The following CDK19 variants were observed in gnomAD, a reference collection of about 807,000 sequenced individuals.
CDK19 encodes cyclin-dependent kinase 19.
A neutral mutation model predicts 68.3 loss-of-function variants in CDK19; 20 were observed. That is an observed-to-expected ratio of 0.29 (90% CI 0.21 to 0.43). CDK19 has a LOEUF of 0.43. Ranked by LOEUF, CDK19 falls within the 20% of genes least tolerant of loss-of-function variation. The probability of loss-of-function intolerance (pLI) is 1.00; values close to 1 mark genes in which losing one functional copy is unlikely to be tolerated. For missense variants in CDK19, 339 were observed against 623.5 expected (o/e 0.54, Z 4.86); for synonymous variants, 221 against 222.8 (o/e 0.99, Z 0.07).
At chr6:110,659,081 G>A (rs544610041) in intron 4 of CDK19, among the ~76,000 whole-genome samples, 2 of 152,322 alleles carry the variant, frequency 1.3e-5, no homozygotes, top group South Asian at 4.1e-4. Flanking sequence ...TAAGGACTAA[G>A]TAAGGCTAAA....
chr6:110,797,490 C>A (rs1782020207), intron 1 of CDK19, among the ~76,000 whole-genome samples: 3 of 151,704 alleles, frequency 2.0e-5, no homozygotes, highest in Non-Finnish European at 4.4e-5. Flanking sequence ...TTTCTGTTAA[C>A]CTCTTATTAA....
intron 4 of CDK19, 148 bp downstream of exon 4, chr6:110,667,286 A>G (rs888142313): frequency 9.3e-6 from 5 of 536,128 alleles, no homozygotes; most frequent in African/African-American, 7.8e-5. Flanking sequence ...TTATAGGTTT[A>G]TGGGTGATTT....
chr6:110,650,991 A>T (rs1780926083), intron 4 of CDK19, among the ~76,000 whole-genome samples: 1 of 152,130 alleles, frequency 6.6e-6, no homozygotes, highest in Non-Finnish European at 1.5e-5. Context: ...TAGAGTGGTT[A>T]GGAAAAACTT....
chr6:110,792,901 T>G (rs1781698092), intron 1 of CDK19, among the ~76,000 whole-genome samples: 1 of 152,180 alleles, frequency 6.6e-6, no homozygotes, highest in South Asian at 2.1e-4. Context: ...GCTGGAGACT[T>G]TTATACATTT....
In CDK19 at chr6:110,677,008, T is replaced by G. The variant is rs185804762; in HGVS notation, c.205-6467A>C. ...CGTCAATATGCACTTTCTATTTCTG[T>G]GTACCTCTTATGCTTTTTCTACCCT... On this transcript the variant is annotated intron_variant, in intron 2 of 12. Coordinates refer to ENST00000368911, the MANE Select transcript of CDK19 (RefSeq NM_015076.5). Among the ~76,000 whole-genome samples the G allele has an allele frequency of 8.8e-4, 134 of 152,328 alleles. 2 individuals are homozygous for G. Among genetic ancestry groups the G allele is most frequent in the African/African-American group, 9.9e-4 (41 of 41,570 alleles).
intron 2 of CDK19, among the ~76,000 whole-genome samples, chr6:110,738,768 A>C (rs1043736449): frequency 6.6e-5 from 10 of 152,198 alleles, no homozygotes; most frequent in Admixed American, 2.0e-4. Context: ...AAAAAAGCAA[A>C]GGTTTATTCC....
chr6:110,769,164 A>C (rs1281620007), intron 1 of CDK19, among the ~76,000 whole-genome samples: 9 of 151,526 alleles, frequency 5.9e-5, no homozygotes, highest in Non-Finnish European at 1.3e-4. Flanking sequence ...AAAAAAAAAA[A>C]AAAAAAAAAA....
intron 2 of CDK19, among the ~76,000 whole-genome samples, chr6:110,695,572 G>C (rs1326692425): frequency 6.6e-6 from 1 of 151,948 alleles, no homozygotes. Flanking sequence ...TCTTTGAAAA[G>C]ATAAACAAAA....
intron 2 of CDK19, among the ~76,000 whole-genome samples, chr6:110,714,795 A>G (rs1438151352): frequency 6.8e-6 from 1 of 146,092 alleles, no homozygotes; most frequent in Non-Finnish European, 1.5e-5. Context: ...GCACAGTGGC[A>G]CAACCTCGGC....
At chr6:110,784,880 T>A (rs1156697030) in intron 1 of CDK19, among the ~76,000 whole-genome samples, 1 of 151,282 alleles carries the variant, frequency 6.6e-6, no homozygotes, top group Non-Finnish European at 1.5e-5. Context: ...ACATATATAG[T>A]ATGATTTCAT....
chr6:110,744,278 G>C (rs1041594443), intron 2 of CDK19, among the ~76,000 whole-genome samples: 20 of 151,620 alleles, frequency 1.3e-4, no homozygotes. Context: ...CAAAGTGCTG[G>C]GATTATAAGT....
intron 4 of CDK19, among the ~76,000 whole-genome samples, chr6:110,656,338 C>T (rs924710937): frequency 6.6e-6 from 1 of 152,146 alleles, no homozygotes; most frequent in Admixed American, 6.6e-5. Context: ...TACTTCCCCC[C>T]ACAGAAATCC....
rs1445180709 is a variant in CDK19, at chr6:110,691,926, G to A, written c.205-21385C>T. 3.3e-5 allele frequency among the ~76,000 whole-genome samples: 5 copies of A among 150,844 alleles called. No homozygotes were observed. In the East Asian group the frequency reaches 6.0e-4, roughly 18 times the overall value. On this transcript the variant is annotated intron_variant, in intron 2 of 12. Coordinates refer to ENST00000368911, the MANE Select transcript of CDK19 (RefSeq NM_015076.5). ...CTCCCAAAATGCTCAGATTACAGGC[G>A]TGAGCCACTGTGCCCGGCCCCCCAT...
intron 4 of CDK19, among the ~76,000 whole-genome samples, chr6:110,640,614 G>A (rs1468973934): frequency 6.6e-6 from 1 of 152,134 alleles, no homozygotes; most frequent in Admixed American, 6.6e-5. Flanking sequence ...AGAGGTAATG[G>A]TTTAAAAATA....
chr6:110,761,872 G>T (rs907611671), intron 1 of CDK19, among the ~76,000 whole-genome samples: 2 of 152,060 alleles, frequency 1.3e-5, no homozygotes, highest in African/African-American at 4.8e-5. Context: ...GTATTTGTGA[G>T]GTACTTAACC....
intron 2 of CDK19, among the ~76,000 whole-genome samples, chr6:110,702,743 A>AAT (rs1394221404): frequency 7.9e-5 from 12 of 152,188 alleles, no homozygotes; most frequent in African/African-American, 2.7e-4. Flanking sequence ...GATGGAAAAG[A>AAT]ATATATATAT....
At chr6:110,740,894 T>C (rs1777610898) in intron 2 of CDK19, among the ~76,000 whole-genome samples, 1 of 152,174 alleles carries the variant, frequency 6.6e-6, no homozygotes, top group Admixed American at 6.6e-5. Flanking sequence ...TTCCCTTATA[T>C]ACTCTGTCCT....
rs1026261745 is a variant in CDK19 at position 110,649,459 on chromosome 6, A to C, written c.457-10753T>G. ...CTTTTTGATCCTAAGTTAGGGAAGAATTTCTTAAACAAGATACAAAAAAAT... is the reference window on the plus strand; with the variant it reads ...CTTTTTGATCCTAAGTTAGGGAAGACTTTCTTAAACAAGATACAAAAAAAT... On this transcript the variant is annotated intron_variant, in intron 4 of 12. Coordinates refer to ENST00000368911, the MANE Select transcript of CDK19 (RefSeq NM_015076.5). Among the ~76,000 whole-genome samples the C allele has an allele frequency of 3.3e-5, 5 of 152,296 alleles. No homozygotes were observed. The South Asian group carries it at 6.2e-4, about 19-fold the overall frequency.
chr6:110,736,525 AAT>A (rs1318459445), intron 2 of CDK19, among the ~76,000 whole-genome samples: 1 of 152,126 alleles, frequency 6.6e-6, no homozygotes, highest in Non-Finnish European at 1.5e-5. Context: ...CATATTTAAA[AAT>A]ATATCTTTTT....
Sources: gnomAD v4.1 joint callset for allele counts (sites outside exome capture counted in the v4.1 genomes callset) on GRCh38, gnomAD v4.1.1 for gene constraint, MANE v1.5 for transcripts, NCBI Gene and HGNC (gene_info 2026-07-23, HGNC 2026-07-21) for gene names.